The following PIWIL4 variants were observed in gnomAD, a reference collection of about 807,000 sequenced individuals.
PIWIL4 encodes piwi-like protein 4.
Under a neutral mutation model 100.9 loss-of-function variants are expected in PIWIL4, and 50 were observed. The ratio of observed to expected loss-of-function variants is 0.50; its 90% CI spans 0.39 to 0.63. PIWIL4 has a LOEUF of 0.63. Among genes scored for constraint, PIWIL4 ranks in the 20% least tolerant of loss-of-function variants. The probability of loss-of-function intolerance (pLI) is 0.00; values close to 1 mark genes in which losing one functional copy is unlikely to be tolerated. For missense variants in PIWIL4, 887 were observed against 1,043.3 expected (o/e 0.85, Z 2.06); for synonymous variants, 342 against 367.5 (o/e 0.93, Z 0.79).
At chr11:94,588,252 G>C (rs1428174840) in intron 7 of PIWIL4, among the ~76,000 whole-genome samples, 3 of 152,110 alleles carry the variant, frequency 2.0e-5, no homozygotes, top group Non-Finnish European at 4.4e-5. Context: ...GAGGATAATG[G>C]CTTCCAGCTC....
At chr11:94,593,877 A>G (rs1042087006) in intron 9 of PIWIL4, among the ~76,000 whole-genome samples, 6 of 152,178 alleles carry the variant, frequency 3.9e-5, no homozygotes, top group African/African-American at 1.2e-4. Flanking sequence ...TATCATCCTA[A>G]AACCAAGTTT....
At chr11:94,571,484 A>C (rs11020833) in intron 2 of PIWIL4, among the ~76,000 whole-genome samples, 1 of 151,850 alleles carries the variant, frequency 6.6e-6, no homozygotes, top group Non-Finnish European at 1.5e-5. Context: ...CCCACCCTGC[A>C]TCCAAGTGTT....
intron 19 of PIWIL4, 143 bp downstream of exon 19, chr11:94,620,287 A>G (rs1274974873): frequency 9.2e-6 from 9 of 977,100 alleles, no homozygotes; most frequent in Non-Finnish European, 1.2e-5. Flanking sequence ...GAATGAATCA[A>G]TGAATGAATC....
rs188302164 is a variant in PIWIL4, at chr11:94,579,626, G to A, written c.513+2134G>A. Among the ~76,000 whole-genome samples, 81 of 152,246 alleles carry A rather than the reference G, an allele frequency of 5.3e-4. 1 individual carries two copies. The highest frequency in any genetic ancestry group is 4.8e-3 in the Admixed American group (73 of 15,288). ...GTTTCTTAGCACTCTTGGGCCTTTT[G>A]CCTTTTATGAGACCCTGGGATCTAT... is the stretch of plus-strand genomic sequence containing the variant. On this transcript the variant is annotated intron_variant, in intron 4 of 19. Transcript: ENST00000299001.
Position 94,614,162 on chromosome 11 carries a change from T to C in PIWIL4, c.1944-2331T>C, listed in dbSNP as rs529254564. On this transcript the variant is annotated intron_variant, in intron 15 of 19. Transcript: ENST00000299001. ...CATTGAGTGGTCTGTCTGCATTCCC[T>C]TGTAGCTTGCTGAGCTTCCTTAAAC... Among the ~76,000 whole-genome samples, 6 of 152,196 alleles carry C rather than the reference T, an allele frequency of 3.9e-5. 1 individual carries two copies. Among genetic ancestry groups the C allele is most frequent in the African/African-American group, 1.4e-4 (6 of 41,536 alleles).
chr11:94,597,109 G>A (rs902897085), intron 10 of PIWIL4, among the ~76,000 whole-genome samples: 2 of 152,182 alleles, frequency 1.3e-5, no homozygotes, highest in African/African-American at 4.8e-5. Flanking sequence ...AGCTTATTAA[G>A]TTATAAATGG....
chr11:94,575,462 A>C (rs1394057291), intron 3 of PIWIL4, among the ~76,000 whole-genome samples: 1 of 152,132 alleles, frequency 6.6e-6, no homozygotes, highest in Non-Finnish European at 1.5e-5. Flanking sequence ...GAAAGACATA[A>C]CCTATTTGGG....
intron 14 of PIWIL4, 181 bp from the exon 15 acceptor site, chr11:94,608,402 T>C (rs1251848163): frequency 1.8e-6 from 1 of 567,612 alleles, no homozygotes. Context: ...CTTCCTGCCT[T>C]CTTTAAGTCT....
Position 94,601,654 on chromosome 11 carries a change from G to A in PIWIL4, c.1381-141G>A, listed in dbSNP as rs1005461393. 3 of 791,144 alleles carry A rather than the reference G, an allele frequency of 3.8e-6. 1 individual carries two copies. The African/African-American group carries it at 5.2e-5, about 14-fold the overall frequency. The allele number at this position is 791,144 out of a possible 1,614,324, so 49.0% of individuals were successfully genotyped here. ...CACATGTATTCTGTTCGGATGTGCA[G>A]TGCCTGCATCTGTGTTTTAAGACTG... On this transcript the variant is annotated intron_variant, in intron 11 of 19. Transcript: ENST00000299001.
At chr11:94,613,926 C>G (rs1948814090) in intron 15 of PIWIL4, among the ~76,000 whole-genome samples, 1 of 151,938 alleles carries the variant, frequency 6.6e-6, no homozygotes, top group African/African-American at 2.4e-5. Context: ...CAATGTCCAG[C>G]TAATTTTTTT....
intron 3 of PIWIL4, among the ~76,000 whole-genome samples, chr11:94,576,974 G>A (rs866675676): frequency 6.6e-6 from 1 of 152,288 alleles, no homozygotes; most frequent in South Asian, 2.1e-4. Flanking sequence ...GAATGAGAGC[G>A]GGAAGGCAAG....
intron 7 of PIWIL4, among the ~76,000 whole-genome samples, chr11:94,587,674 C>T (rs759293690): frequency 6.6e-6 from 1 of 152,220 alleles, no homozygotes; most frequent in African/African-American, 2.4e-5. Flanking sequence ...CAGTTTCTTC[C>T]CCTGGGCGGC....
Position 94,589,191 on chromosome 11 carries a change from C to T in PIWIL4, c.985C>T (p.Arg329Trp), listed in dbSNP as rs769687573. ...SVKPTHTFQK[R>W]DGTEITYVDY... ...GAAGCCCACACACACCTTTCAGAAGCGGGATGGCACCGAGATCACCTATGT... is the reference window on the plus strand; with the variant it reads ...GAAGCCCACACACACCTTTCAGAAGTGGGATGGCACCGAGATCACCTATGT... Residue 329 changes from arginine to tryptophan, a missense_variant, in exon 8 of 20, where the codon CGG (arginine) becomes TGG (tryptophan). By Grantham distance (101) the Arg-to-Trp change is moderately radical. Around this residue, in one of 2 missense-constraint regions of PIWIL4, gnomAD observed 741 missense variants for 930.0 expected, o/e 0.80. Coordinates refer to ENST00000299001, the MANE Select transcript of PIWIL4 (RefSeq NM_152431.3). 29 of 1,611,722 alleles carry T rather than the reference C, an allele frequency of 1.8e-5. No individual in the cohort carries two copies. Among genetic ancestry groups the T allele is most frequent in the East Asian group, 2.2e-5 (1 of 44,890 alleles).
At chr11:94,584,976 G>A (rs1304939924) in intron 5 of PIWIL4, among the ~76,000 whole-genome samples, 1 of 152,236 alleles carries the variant, frequency 6.6e-6, no homozygotes, top group Non-Finnish European at 1.5e-5. Flanking sequence ...TGAGGCAAGA[G>A]AATCGCTTAA....
At chr11:94,584,205 A>G (rs1312374739) in intron 5 of PIWIL4, among the ~76,000 whole-genome samples, 7 of 152,216 alleles carry the variant, frequency 4.6e-5, no homozygotes, top group Non-Finnish European at 7.3e-5. Flanking sequence ...CATTTTTAGG[A>G]TACACTGAAG....
intron 4 of PIWIL4, among the ~76,000 whole-genome samples, chr11:94,580,517 T>C (rs1353914284): frequency 6.6e-6 from 1 of 152,170 alleles, no homozygotes; most frequent in Non-Finnish European, 1.5e-5. Context: ...TCCACATCTA[T>C]TTGCCACTCT....
Position 94,567,548 on chromosome 11 carries a change from A to G in PIWIL4, c.30A>G (p.Arg10=). 6.2e-7 allele frequency: 1 copy of G among 1,605,434 alleles called. No homozygotes were observed. The highest frequency in any genetic ancestry group is 8.5e-7 in the Non-Finnish European group (1 of 1,176,280). Residue 10 remains arginine, a synonymous_variant, in exon 1 of 20, where the codon AGA becomes AGG. Transcript: ENST00000299001. MSGRARVKA[R]GIARSPSATE... ...GTGGAAGAGCCCGAGTGAAGGCCAG[A>G]GGCATCGCCCGCAGCCCCAGTGCCA...
Position 94,577,486 on chromosome 11 carries a change from A to C in PIWIL4, c.507A>C (p.Glu169Asp). Residue 169 changes from glutamate (E) to aspartate (D), a missense_variant, in exon 4 of 20, where the codon GAA (glutamate) becomes GAC (aspartate). Physicochemically the swap from Glu to Asp is conservative, Grantham distance 45. Around this residue, in one of 2 missense-constraint regions of PIWIL4, gnomAD observed 741 missense variants for 930.0 expected, o/e 0.80. Transcript: ENST00000299001. Reference sequence around the variant, plus strand: ...TCCTTTTTCTGTCACAAAAGCTAGAAGAAAAGGTATAGTATGATTAGTTTT... The same window carrying C: ...TCCTTTTTCTGTCACAAAAGCTAGACGAAAAGGTATAGTATGATTAGTTTT... ...GAILFLSQKL[E>D]EKVTELSSET... The C allele has an allele frequency of 6.2e-7, 1 of 1,612,578 alleles. No individual in the cohort carries two copies. Among genetic ancestry groups the C allele is most frequent in the Non-Finnish European group, 8.5e-7 (1 of 1,179,124 alleles).
At chr11:94,591,893 G>A (rs1948490995) in intron 8 of PIWIL4, among the ~76,000 whole-genome samples, 1 of 152,076 alleles carries the variant, frequency 6.6e-6, no homozygotes, top group East Asian at 1.9e-4. Flanking sequence ...TAAGAAAATT[G>A]GGGCAAGGGA....
Sources: allele counts gnomAD v4.1 joint callset (sites outside exome capture counted in the v4.1 genomes callset), GRCh38; gene constraint gnomAD v4.1.1; regional missense constraint gnomAD v4.1.1; transcripts MANE v1.5; gene names NCBI Gene and HGNC (gene_info 2026-07-23, HGNC 2026-07-21).